EIF4G3: variants seen among roughly 807,000 people sequenced by gnomAD.
EIF4G3 encodes the protein eukaryotic translation initiation factor 4 gamma 3.
A neutral mutation model predicts 186.4 loss-of-function variants in EIF4G3; 34 were observed. The observed-to-expected ratio is 0.18, with a 90% CI of 0.14 to 0.24. The LOEUF is 0.24. Ranked by LOEUF, EIF4G3 falls within the 10% of genes least tolerant of loss-of-function variation. EIF4G3 has a pLI of 1.00. For missense variants in EIF4G3, 1,536 were observed against 1,948.5 expected (o/e 0.79, Z 3.99); for synonymous variants, 673 against 679.5 (o/e 0.99, Z 0.15).
intron 2 of EIF4G3, among the ~76,000 whole-genome samples, chr1:21,153,652 C>T (rs1312980340): frequency 6.6e-6 from 1 of 152,156 alleles, no homozygotes; most frequent in South Asian, 2.1e-4. Flanking sequence ...GGAACCTCCG[C>T]CTCCCAGGTT....
intron 27 of EIF4G3, 79 bp from the exon 28 acceptor site, chr1:20,851,557 A>T: frequency 3.0e-6 from 4 of 1,353,120 alleles, no homozygotes; most frequent in Non-Finnish European, 4.1e-6. Flanking sequence ...AATAACACTA[A>T]GACTTTCTGA....
Position 21,163,592 on chromosome 1 carries a change from A to C in EIF4G3, c.-272+12583T>G, listed in dbSNP as rs78451806. On this transcript the variant is annotated intron_variant, in intron 2 of 36. Coordinates refer to ENST00000602326, the MANE Select transcript of EIF4G3 (RefSeq NM_001391906.1). Reference sequence around the variant, plus strand: ...GCAACTCCACTCATTCCCACTTCCCAATGTTAAGCAACTGAAGAGTTTTTT... The same window carrying C: ...GCAACTCCACTCATTCCCACTTCCCCATGTTAAGCAACTGAAGAGTTTTTT... Among the ~76,000 whole-genome samples the C allele has an allele frequency of 6.2e-3, 939 of 152,322 alleles. 8 individuals carry two copies. The highest frequency in any genetic ancestry group is 0.022 in the African/African-American group (904 of 41,574).
chr1:21,083,000 T>G (rs1009031860), intron 3 of EIF4G3, among the ~76,000 whole-genome samples: 2 of 126,314 alleles, frequency 1.6e-5, no homozygotes, highest in African/African-American at 3.2e-5. Context: ...ATCTCGCCAC[T>G]GCACTCCAAC....
chr1:20,929,426 T>A (rs1015502296), intron 14 of EIF4G3: 1 of 152,136 alleles, frequency 6.6e-6, no homozygotes, highest in Non-Finnish European at 1.5e-5. Context: ...TCCTAAGGGA[T>A]TTTCCACCAT....
intron 2 of EIF4G3, among the ~76,000 whole-genome samples, chr1:21,094,772 A>G (rs537918227): frequency 1.7e-5 from 2 of 116,690 alleles, no homozygotes; most frequent in African/African-American, 5.8e-5. Flanking sequence ...AAGTATAATA[A>G]TAATAATAAT....
chr1:21,143,896 T>G (rs2097387481), intron 2 of EIF4G3, among the ~76,000 whole-genome samples: 1 of 152,160 alleles, frequency 6.6e-6, no homozygotes, highest in Admixed American at 6.6e-5. Flanking sequence ...CACTCCAGCC[T>G]GGGTGACAGA....
chr1:20,907,728 A>G (rs1214914804), intron 14 of EIF4G3, among the ~76,000 whole-genome samples: 1 of 152,004 alleles, frequency 6.6e-6, no homozygotes, highest in Non-Finnish European at 1.5e-5. Flanking sequence ...TGAACTCATC[A>G]TTTTTTATGG....
At chr1:21,156,956 G>T (rs942567247) in intron 2 of EIF4G3, among the ~76,000 whole-genome samples, 2 of 152,082 alleles carry the variant, frequency 1.3e-5, no homozygotes, top group African/African-American at 4.8e-5. Flanking sequence ...TGCTTGGGAG[G>T]TTGAGGCAGA....
At chr1:21,087,940 T>A (rs980768006) in intron 3 of EIF4G3, among the ~76,000 whole-genome samples, 3 of 148,584 alleles carry the variant, frequency 2.0e-5, no homozygotes, top group East Asian at 2.2e-4. Flanking sequence ...GCCAAAAAAA[T>A]TTTTTAATTA....
chr1:20,962,323 C>G (rs1195667351), intron 12 of EIF4G3, among the ~76,000 whole-genome samples: 1 of 152,048 alleles, frequency 6.6e-6, no homozygotes. Flanking sequence ...ATATTATATA[C>G]TATATTCTTA....
intron 10 of EIF4G3, among the ~76,000 whole-genome samples, chr1:20,974,413 C>G (rs1324300617): frequency 6.6e-6 from 1 of 152,128 alleles, no homozygotes; most frequent in East Asian, 1.9e-4. Context: ...GAAAATTATT[C>G]AAGAATGAGG....
intron 25 of EIF4G3, among the ~76,000 whole-genome samples, chr1:20,856,570 C>T (rs1165841142): frequency 6.6e-6 from 1 of 152,108 alleles, no homozygotes; most frequent in Non-Finnish European, 1.5e-5. Flanking sequence ...AAAGTTTTTT[C>T]CTCTTACTGC....
intron 2 of EIF4G3, among the ~76,000 whole-genome samples, chr1:21,141,204 A>T (rs80346589): frequency 0.029 from 4,389 of 152,188 alleles, 133 homozygotes; most frequent in East Asian, 0.14. Flanking sequence ...ACATAAACGA[A>T]GAGGTGTCAA....
intron 2 of EIF4G3, among the ~76,000 whole-genome samples, chr1:21,098,874 C>T (rs2101729016): frequency 6.6e-6 from 1 of 152,230 alleles, no homozygotes; most frequent in East Asian, 1.9e-4. Context: ...TGAGTTCAAG[C>T]AATGCTCCTG....
intron 22 of EIF4G3, among the ~76,000 whole-genome samples, 158 bp downstream of exon 22, chr1:20,864,318 G>C (rs1199358509): frequency 6.6e-6 from 1 of 152,210 alleles, no homozygotes; most frequent in Non-Finnish European, 1.5e-5. Context: ...GAAATGTAAG[G>C]AGCACGATGG....
intron 3 of EIF4G3, among the ~76,000 whole-genome samples, chr1:21,072,649 G>A (rs1267482668): frequency 1.3e-5 from 2 of 152,162 alleles, no homozygotes; most frequent in Non-Finnish European, 2.9e-5. Flanking sequence ...TGACCCGCCC[G>A]CCTCAGTATC....
intron 19 of EIF4G3, among the ~76,000 whole-genome samples, chr1:20,881,299 C>T (rs1272438587): frequency 6.6e-6 from 1 of 152,186 alleles, no homozygotes; most frequent in Non-Finnish European, 1.5e-5. Flanking sequence ...AGAACCCTGA[C>T]CTATTATCTT....
intron 30 of EIF4G3, among the ~76,000 whole-genome samples, chr1:20,831,475 C>T (rs2065159983): frequency 6.6e-6 from 1 of 151,758 alleles, no homozygotes; most frequent in South Asian, 2.1e-4. Flanking sequence ...TCACCAGCTC[C>T]CTCCTGCCCA....
intron 34 of EIF4G3, among the ~76,000 whole-genome samples, chr1:20,817,005 G>A (rs1344214870): frequency 2.1e-5 from 3 of 144,746 alleles, no homozygotes; most frequent in South Asian, 4.5e-4. Flanking sequence ...GATTAAGGGC[G>A]GTGCAAGATG....
Sources: gnomAD v4.1 joint callset for allele counts (sites outside exome capture counted in the v4.1 genomes callset) on GRCh38, gnomAD v4.1.1 for gene constraint, MANE v1.5 for transcripts, NCBI Gene and HGNC (gene_info 2026-07-23, HGNC 2026-07-21) for gene names.